PDIA3: variants seen among roughly 807,000 people sequenced by gnomAD.
PDIA3 encodes the protein protein disulfide-isomerase A3.
A neutral mutation model predicts 56.9 loss-of-function variants in PDIA3; 16 were observed. The ratio of observed to expected loss-of-function variants is 0.28; its 90% CI spans 0.19 to 0.43. The LOEUF is 0.43. PDIA3 is among the 20% of genes least tolerant of loss of function. PDIA3 has a pLI of 1.00. For synonymous variants in PDIA3, 192 were observed against 216.5 expected, an observed-to-expected ratio of 0.89 and a Z score of 0.99; for missense variants, 485 against 621.3, an observed-to-expected ratio of 0.78 and a Z score of 2.33.
chr15:43,751,683 C>G, intron 1 of PDIA3: 1 of 1,303,872 alleles, frequency 7.7e-7, no homozygotes, highest in African/African-American at 1.5e-5. Context: ...AAGTTTAAGG[C>G]AGTGGATTTT....
rs767241989 is a variant in PDIA3 at position 43,771,164 on chromosome 15, T to A, written c.1464T>A (p.Pro488=). 1.9e-6 allele frequency: 3 copies of A among 1,612,764 alleles called. No homozygotes were observed. The highest frequency in any genetic ancestry group is 3.3e-5 in the Admixed American group (2 of 59,968). ...SYLQREATNP[P]VIQEEKPKKK... Reference sequence around the variant, plus strand: ...TACAAAGAGAAGCTACAAACCCCCCTGTAATTCAAGAAGAAAAACCCAAGA... The same window carrying A: ...TACAAAGAGAAGCTACAAACCCCCCAGTAATTCAAGAAGAAAAACCCAAGA... Residue 488 remains proline (P), a synonymous_variant, in exon 13 of 13, where the codon CCT becomes CCA. Coordinates refer to ENST00000300289, the MANE Select transcript of PDIA3 (RefSeq NM_005313.5).
intron 8 of PDIA3, among the ~76,000 whole-genome samples, chr15:43,767,615 C>T (rs61039044): frequency 1.3e-5 from 2 of 150,832 alleles, no homozygotes; most frequent in Admixed American, 1.3e-4. Flanking sequence ...ACTAAAAATA[C>T]AAAAATTAGC....
Position 43,766,712 on chromosome 15 carries a change from C to G in PDIA3, c.846-16C>G, listed in dbSNP as rs575525355. The stretch of plus-strand genomic sequence containing the variant: ...CCCTGTATAGTCTTGGCACAAATGT[C>G]TCTTGTTTCCCACAGGGTAATGATG... On this transcript the variant is annotated splice_polypyrimidine_tract_variant and intron_variant, in intron 7 of 12. Transcript: ENST00000300289. 6.2e-7 allele frequency: 1 copy of G among 1,612,386 alleles called. No homozygotes were observed. Among genetic ancestry groups the G allele is most frequent in the Non-Finnish European group, 8.5e-7 (1 of 1,178,828 alleles).
At chr15:43,746,848 G>A (rs2086709840) in intron 1 of PDIA3, 142 bp downstream of exon 1, 1 of 944,990 alleles carries the variant, frequency 1.1e-6, no homozygotes, top group South Asian at 1.6e-5. Flanking sequence ...CTCATTCCCG[G>A]GAGCTGGAGG....
At chr15:43,755,898 G>C (rs139615738) in intron 2 of PDIA3, among the ~76,000 whole-genome samples, 2 of 148,084 alleles carry the variant, frequency 1.4e-5, no homozygotes, top group African/African-American at 5.0e-5. Context: ...TGGGCAACAA[G>C]AGTGAAACTC....
chr15:43,770,597 A>G lies in PDIA3; in HGVS notation c.1404+17A>G, dbSNP rs779130618. 31 of 1,542,686 alleles carry G rather than the reference A, an allele frequency of 2.0e-5. No individual in the cohort carries two copies. Among genetic ancestry groups the G allele is most frequent in the Non-Finnish European group, 2.6e-5 (29 of 1,114,874 alleles). On this transcript the variant is annotated intron_variant, in intron 12 of 12. Transcript: ENST00000300289. The stretch of plus-strand genomic sequence containing the variant: ...AAATATGAAGTAAGTGAATTGTCCC[A>G]TATCCCCACAAATATATACACAGAC...
rs180740481 is a variant in PDIA3 at position 43,754,953 on chromosome 15, T to C, written c.246+1051T>C. ...CTGGGCAATAGAGCGAAACCCTGTC[T>C]CAAAAAAAAAAAAAGTAGTAAAGTA... On this transcript the variant is annotated intron_variant, in intron 2 of 12. Coordinates refer to ENST00000300289, the MANE Select transcript of PDIA3 (RefSeq NM_005313.5). 1.8e-4 allele frequency among the ~76,000 whole-genome samples: 26 copies of C among 147,716 alleles called. No homozygotes were observed. In the East Asian group the frequency reaches 1.8e-3, roughly 10 times the overall value.
rs1823029419 is a variant in PDIA3 at position 43,772,592 on chromosome 15, C to T, written c.*1374C>T. On this transcript the variant is annotated 3_prime_UTR_variant, in exon 13 of 13. Coordinates refer to ENST00000300289, the MANE Select transcript of PDIA3 (RefSeq NM_005313.5). Reference sequence around the variant, plus strand: ...GGAAGATTTAAGGGAAACATATAAACTTGTACAAAGGACACAGAAGCAGTC... The same window carrying T: ...GGAAGATTTAAGGGAAACATATAAATTTGTACAAAGGACACAGAAGCAGTC... 6.6e-6 allele frequency: 1 copy of T among 152,224 alleles called. No homozygotes were observed. Among genetic ancestry groups the T allele is most frequent in the African/African-American group, 2.4e-5 (1 of 41,450 alleles). The allele number at this position is 152,224 out of a possible 1,614,324, so 9.4% of individuals were successfully genotyped here.
chr15:43,763,111 C>T lies in PDIA3; in HGVS notation c.507C>T (p.Ser169=), dbSNP rs778630697. 162 of 1,613,910 alleles carry T rather than the reference C, an allele frequency of 1.0e-4. No individual in the cohort carries two copies. The highest frequency in any genetic ancestry group is 1.3e-5 in the African/African-American group (1 of 74,914). ...ATGATTCATTCAGTGAGGCTCACTC[C>T]GAGTTCCTAAAAGCAGCCAGCAACT... The part of the protein sequence containing the change: ...FFDDSFSEAH[S]EFLKAASNLR... The change falls in exon 5 of 13, where the codon TCC becomes TCT. Residue 169 remains serine (S), a synonymous_variant. Transcript: ENST00000300289.
At chr15:43,761,643 G>A in intron 4 of PDIA3, 112 bp downstream of exon 4, 1 of 608,810 alleles carries the variant, frequency 1.6e-6, no homozygotes, top group Admixed American at 3.1e-5. Context: ...TGGGGCAGTT[G>A]AGAAGGCAAC....
chr15:43,756,738 A>C lies in PDIA3; in HGVS notation c.336A>C (p.Ala112=). ...TLKIFRDGEE[A]GAYDGPRTAD... is the part of the protein sequence containing the mutation. ...AGATATTTAGAGATGGTGAAGAAGC[A>C]GGTGCTTATGATGGACCTAGGACTG... Residue 112 remains alanine, a synonymous_variant, in exon 3 of 13, where the codon GCA becomes GCC. Coordinates refer to ENST00000300289, the MANE Select transcript of PDIA3 (RefSeq NM_005313.5). 1 of 1,604,382 alleles carries C rather than the reference A, an allele frequency of 6.2e-7. No homozygotes were observed. Among genetic ancestry groups the C allele is most frequent in the Non-Finnish European group, 8.5e-7 (1 of 1,172,690 alleles).
intron 12 of PDIA3, 108 bp downstream of exon 12, chr15:43,770,688 G>C: frequency 3.7e-6 from 3 of 814,626 alleles, no homozygotes; most frequent in South Asian, 3.3e-5. Flanking sequence ...TATTTTTTGA[G>C]ACGGAGTTTC....
In PDIA3 at chr15:43,760,519, T is replaced by TAA. The variant is rs35560156; in HGVS notation, c.365-896_365-895dup. On this transcript the variant is annotated intron_variant, in intron 3 of 12. Transcript: ENST00000300289. ...TATGCATTGTAAACAATGTTTCTGT[T>TAA]AAAAAAAAAACTTTTTTTTTTTTTT... Among the ~76,000 whole-genome samples, 16 of 139,572 alleles carry TAA rather than the reference T, an allele frequency of 1.1e-4. 1 individual carries two copies. Among genetic ancestry groups the TAA allele is most frequent in the Admixed American group, 6.2e-4 (8 of 13,008 alleles). The allele number at this position is 139,572 out of a possible 152,430, so 91.6% of individuals were successfully genotyped here.
At chr15:43,758,607 G>A (rs1431258631) in intron 3 of PDIA3, among the ~76,000 whole-genome samples, 1 of 147,664 alleles carries the variant, frequency 6.8e-6, no homozygotes, top group Non-Finnish European at 1.5e-5. Context: ...GTAGTGAGTC[G>A]AGATCGGGCC....
At chr15:43,756,815 C>A (rs1395369559) in intron 3 of PDIA3, 49 bp downstream of exon 3, 2 of 985,610 alleles carry the variant, frequency 2.0e-6, no homozygotes, top group East Asian at 2.4e-5. Context: ...GTACCTTATT[C>A]TTTGTAGTGG....
intron 1 of PDIA3, chr15:43,752,840 C>T (rs555771020): frequency 6.4e-6 from 3 of 471,120 alleles, no homozygotes; most frequent in South Asian, 4.6e-5. Context: ...CCCTCTGCAA[C>T]CCTTTGGCTT....
In PDIA3 at chr15:43,768,410, A is replaced by G. The variant is rs1596025332; in HGVS notation, c.1029-79A>G. 3 of 1,035,278 alleles carry G rather than the reference A, an allele frequency of 2.9e-6. No individual in the cohort carries two copies. In the East Asian group the frequency reaches 7.2e-5, roughly 25 times the overall value. 64.1% of individuals were successfully genotyped at this position (1,035,278 alleles called of 1,614,324 possible). On this transcript the variant is annotated intron_variant, in intron 8 of 12. Coordinates refer to ENST00000300289, the MANE Select transcript of PDIA3 (RefSeq NM_005313.5). ...GCCTTGAAAAGCTAAAATACATAGT[A>G]ACTATTCAAAGAAATTGCTGTAATT...
At position 43,756,709 on chromosome 15, in the gene PDIA3, C is replaced by A; in HGVS notation, c.307C>A (p.Leu103Met). 6.2e-7 allele frequency: 1 copy of A among 1,610,896 alleles called. No homozygotes were observed. The highest frequency in any genetic ancestry group is 8.5e-7 in the Non-Finnish European group (1 of 1,178,844). Reference sequence around the variant, plus strand: ...ATATGGAGTCAGTGGATATCCAACCCTGAAGATATTTAGAGATGGTGAAGA... The same window carrying A: ...ATATGGAGTCAGTGGATATCCAACCATGAAGATATTTAGAGATGGTGAAGA... ...NKYGVSGYPT[L>M]KIFRDGEEAG... The change falls in exon 3 of 13, where the codon CTG (leucine) becomes ATG (methionine). Residue 103 changes from leucine to methionine, a missense_variant. Physicochemically the swap from Leu to Met is conservative, Grantham distance 15. Transcript: ENST00000300289.
chr15:43,770,793 G>T (rs2086876996), intron 12 of PDIA3, among the ~76,000 whole-genome samples: 4 of 152,128 alleles, frequency 2.6e-5, no homozygotes, highest in Admixed American at 2.0e-4. Flanking sequence ...TGGGATTACA[G>T]GCATGCGCCA....
Sources: gnomAD v4.1 joint callset for allele counts (sites outside exome capture counted in the v4.1 genomes callset) on GRCh38, gnomAD v4.1.1 for gene constraint, MANE v1.5 for transcripts, NCBI Gene and HGNC (gene_info 2026-07-23, HGNC 2026-07-21) for gene names.